Variants in CDC42BPA observed in about 807,000 individuals in gnomAD.
CDC42BPA encodes serine/threonine-protein kinase MRCK alpha.
In CDC42BPA, 80 loss-of-function variants were observed where a neutral mutation model predicts 223.5. The ratio of observed to expected loss-of-function variants is 0.36; its 90% CI spans 0.30 to 0.43. CDC42BPA has a LOEUF of 0.43. Ranked by LOEUF, CDC42BPA falls within the 20% of genes least tolerant of loss-of-function variation. The pLI is 1.00. For missense variants in CDC42BPA, 1,743 were observed against 2,099.9 expected, an observed-to-expected ratio of 0.83 and a Z score of 3.32; for synonymous variants, 694 against 718.6, an observed-to-expected ratio of 0.97 and a Z score of 0.55.
intron 5 of CDC42BPA, among the ~76,000 whole-genome samples, chr1:227,186,728 A>G (rs1668833822): frequency 6.6e-6 from 1 of 152,186 alleles, no homozygotes; most frequent in Non-Finnish European, 1.5e-5. Flanking sequence ...AGAAAAGAAA[A>G]AGAGCTCAAA....
chr1:227,146,122 A>T (rs1245523595), intron 7 of CDC42BPA, among the ~76,000 whole-genome samples: 1 of 152,184 alleles, frequency 6.6e-6, no homozygotes, highest in East Asian at 1.9e-4. Context: ...ATATTTTTAA[A>T]GGACATAATA....
chr1:227,310,714 T>C (rs1348923220), intron 1 of CDC42BPA, among the ~76,000 whole-genome samples: 11 of 147,940 alleles, frequency 7.4e-5, no homozygotes, highest in Admixed American at 6.8e-4. Context: ...TGAGACAGAG[T>C]CTTGCTCTGT....
intron 2 of CDC42BPA, among the ~76,000 whole-genome samples, chr1:227,253,251 A>AGAGAGAGC (rs1374750090): frequency 1.9e-5 from 2 of 105,990 alleles, no homozygotes; most frequent in African/African-American, 4.2e-5. Context: ...AGAGAGCGAG[A>AGAGAGAGC]GAGAGAGCGA....
intron 17 of CDC42BPA, among the ~76,000 whole-genome samples, chr1:227,076,468 G>A (rs1407696770): frequency 6.6e-6 from 1 of 152,050 alleles, no homozygotes; most frequent in Non-Finnish European, 1.5e-5. Flanking sequence ...CGTTGGCCAG[G>A]CTGGTCTTGA....
chr1:227,047,883 T>C (rs1221630767), intron 23 of CDC42BPA, 44 bp downstream of exon 23: 2 of 1,153,826 alleles, frequency 1.7e-6, no homozygotes, highest in Non-Finnish European at 1.3e-6. Flanking sequence ...CAGATAAAAT[T>C]CATTTTTTTT....
At position 227,147,519 on chromosome 1, in the gene CDC42BPA, G is replaced by C; in HGVS notation, c.734C>G (p.Ser245Cys). The C allele has an allele frequency of 1.2e-6, 2 of 1,612,460 alleles. No individual in the cohort carries two copies. Among genetic ancestry groups the C allele is most frequent in the South Asian group, 1.1e-5 (1 of 90,820 alleles). ...SVAVGTPDYI[S>C]PEILQAMEDG... is the part of the protein sequence containing the mutation. ...TTCCATGGCTTGAAGGATTTCAGGA[G>C]AGATATAATCTGGAGTTCCTACAGC... The change falls in exon 7 of 37, where the codon TCT becomes TGT. Residue 245 changes from serine (S) to cysteine (C), a missense_variant. Physicochemically the swap from Ser to Cys is moderately radical, Grantham distance 112. Around this residue, in one of 6 missense-constraint regions of CDC42BPA, gnomAD observed 321 missense variants for 488.7 expected, o/e 0.66. Transcript: ENST00000366766.
chr1:227,166,514 G>A (rs965509734), intron 5 of CDC42BPA, among the ~76,000 whole-genome samples: 1 of 152,090 alleles, frequency 6.6e-6, no homozygotes, highest in African/African-American at 2.4e-5. Context: ...TTATCACCTC[G>A]AGCAAAAGAA....
At chr1:227,268,924 A>G (rs1483109135) in intron 1 of CDC42BPA, among the ~76,000 whole-genome samples, 5 of 152,032 alleles carry the variant, frequency 3.3e-5, no homozygotes, top group Non-Finnish European at 7.4e-5. Context: ...GGCTCAAGCA[A>G]TCCATCTACC....
chr1:227,210,184 G>A (rs1673622058), intron 3 of CDC42BPA, among the ~76,000 whole-genome samples: 1 of 152,150 alleles, frequency 6.6e-6, no homozygotes, highest in Non-Finnish European at 1.5e-5. Context: ...ATAAACATAC[G>A]TGTGCATGTG....
chr1:227,173,253 T>G (rs937044477), intron 5 of CDC42BPA, among the ~76,000 whole-genome samples: 6 of 152,138 alleles, frequency 3.9e-5, no homozygotes, highest in Non-Finnish European at 8.8e-5. Context: ...TTACACTAAA[T>G]GAAGATGTCC....
In CDC42BPA at chr1:227,074,179, G is replaced by A. The variant is rs923880875; in HGVS notation, c.2586+80C>T. ...TCAAAGTCTAAACAAACTGATATAA[G>A]TAATTGGATTTATTATAGTGTTTTT... On this transcript the variant is annotated intron_variant, in intron 18 of 36. Transcript: ENST00000366766. 2.5e-5 allele frequency: 33 copies of A among 1,328,088 alleles called. 1 individual carries two copies. The highest frequency in any genetic ancestry group is 2.2e-4 in the South Asian group (17 of 78,128). 82.3% of individuals were successfully genotyped at this position (1,328,088 alleles called of 1,614,324 possible).
chr1:227,287,096 A>G (rs965203543), intron 1 of CDC42BPA, among the ~76,000 whole-genome samples: 1 of 152,170 alleles, frequency 6.6e-6, no homozygotes, highest in Admixed American at 6.5e-5. Context: ...TTTGGTGGGG[A>G]AAAACTTCCA....
chr1:227,084,371 T>C (rs2149175744), intron 16 of CDC42BPA, among the ~76,000 whole-genome samples: 1 of 151,848 alleles, frequency 6.6e-6, no homozygotes, highest in African/African-American at 2.4e-5. Context: ...CTACTAAAAA[T>C]AAAAAAATTA....
At chr1:227,016,595 T>C (rs1419705582) in intron 33 of CDC42BPA, among the ~76,000 whole-genome samples, 2 of 152,198 alleles carry the variant, frequency 1.3e-5, no homozygotes, top group Non-Finnish European at 2.9e-5. Context: ...CTGAACTTCT[T>C]AGACATATAC....
intron 21 of CDC42BPA, among the ~76,000 whole-genome samples, chr1:227,066,469 T>A (rs542434477): frequency 5.3e-5 from 8 of 152,262 alleles, no homozygotes; most frequent in East Asian, 1.9e-4. Context: ...TTGAGCGTTA[T>A]GCGAAATATC....
At chr1:227,248,959 A>G (rs541201410) in intron 2 of CDC42BPA, among the ~76,000 whole-genome samples, 2 of 152,350 alleles carry the variant, frequency 1.3e-5, no homozygotes, top group Admixed American at 6.5e-5. Context: ...TGGAATTACA[A>G]AAGACCCAGA....
At chr1:227,210,587 C>A (rs35952573) in intron 3 of CDC42BPA, among the ~76,000 whole-genome samples, 1 of 152,024 alleles carries the variant, frequency 6.6e-6, no homozygotes, top group African/African-American at 2.4e-5. Flanking sequence ...TTTGCCACTT[C>A]CAGCTGTAAT....
intron 2 of CDC42BPA, among the ~76,000 whole-genome samples, chr1:227,245,395 A>C (rs1444684203): frequency 6.7e-6 from 1 of 149,000 alleles, no homozygotes; most frequent in Non-Finnish European, 1.5e-5. Context: ...AGTTCAAGCA[A>C]TTCTCCTGTC....
intron 1 of CDC42BPA, among the ~76,000 whole-genome samples, chr1:227,278,380 CA>C (rs1379025855): frequency 6.6e-6 from 1 of 152,134 alleles, no homozygotes; most frequent in Non-Finnish European, 1.5e-5. Context: ...AAAATGTCCA[CA>C]ACATAATCTA....
Sources: allele counts gnomAD v4.1 joint callset (sites outside exome capture counted in the v4.1 genomes callset), GRCh38; gene constraint gnomAD v4.1.1; regional missense constraint gnomAD v4.1.1; transcripts MANE v1.5; gene names NCBI Gene and HGNC (gene_info 2026-07-23, HGNC 2026-07-21).